DPP4: variants seen among roughly 807,000 people sequenced by gnomAD.
DPP4 encodes the protein dipeptidyl peptidase 4.
A neutral mutation model predicts 122.4 loss-of-function variants in DPP4; 93 were observed. The ratio of observed to expected loss-of-function variants is 0.76; its 90% CI spans 0.64 to 0.90. DPP4 has a LOEUF of 0.90. Among genes scored for constraint, DPP4 ranks in the 40% least tolerant of loss-of-function variants. The pLI is 0.00. For missense variants in DPP4, 914 were observed against 907.3 expected (o/e 1.01, Z -0.09); for synonymous variants, 321 against 302.9 (o/e 1.06, Z -0.62).
intron 2 of DPP4, among the ~76,000 whole-genome samples, chr2:162,050,022 T>C (rs73971546): frequency 0.038 from 5,785 of 152,272 alleles, 248 homozygotes; most frequent in African/African-American, 0.098. Flanking sequence ...AGTAGAAATA[T>C]AGCAAGCGGG....
chr2:162,020,311 T>TTC lies in DPP4; in HGVS notation c.1177-16_1177-15insGA. On this transcript the variant is annotated splice_polypyrimidine_tract_variant and intron_variant, in intron 13 of 25. Transcript: ENST00000360534. Reference sequence around the variant, plus strand: ...AATGTGCAGTCCTGATGGTTTTTTTTTTTTTTCAAAAAAAAAAAAAAGATT... The same window carrying TTC: ...AATGTGCAGTCCTGATGGTTTTTTTTTCTTTTTTCAAAAAAAAAAAAAAGATT... 1 of 1,537,018 alleles carries TTC rather than the reference T, an allele frequency of 6.5e-7. No homozygotes were observed. The highest frequency in any genetic ancestry group is 8.7e-7 in the Non-Finnish European group (1 of 1,149,642).
chr2:162,073,620 G>A, intron 1 of DPP4, 134 bp from the exon 2 acceptor site: 2 of 843,004 alleles, frequency 2.4e-6, no homozygotes, highest in Admixed American at 4.2e-5. Flanking sequence ...CGCGGGCTGG[G>A]GGTGGGGGTG....
chr2:162,005,800 T>C lies in DPP4; in HGVS notation c.1997A>G (p.Tyr666Cys), dbSNP rs1457064524. 3.1e-6 allele frequency: 5 copies of C among 1,612,578 alleles called. No homozygotes were observed. In the African/African-American group the frequency reaches 5.3e-5, roughly 17 times the overall value. Residue 666 changes from tyrosine to cysteine, a missense_variant, in exon 23 of 26, where the codon TAC (tyrosine) becomes TGC (cysteine). Physicochemically the swap from Tyr to Cys is radical, Grantham distance 194 (BLOSUM62 -2). Transcript: ENST00000360534. ...TGGGAGACCCATGTAACGTTCTGTGTACACTGAGTCTGTGAAAGAAAAAAA... is the reference window on the plus strand; with the variant it reads ...TGGGAGACCCATGTAACGTTCTGTGCACACTGAGTCTGTGAAAGAAAAAAA... ...VSRWEYYDSV[Y>C]TERYMGLPTP...
intron 10 of DPP4, among the ~76,000 whole-genome samples, chr2:162,027,000 G>A (rs1204034288): frequency 2.6e-5 from 4 of 152,114 alleles, no homozygotes; most frequent in Non-Finnish European, 5.9e-5. Context: ...ATAATTAAAT[G>A]AATGAGTTCA....
chr2:162,006,472 A>G (rs1385978701), intron 22 of DPP4, among the ~76,000 whole-genome samples: 2 of 152,128 alleles, frequency 1.3e-5, no homozygotes, highest in Non-Finnish European at 2.9e-5. Flanking sequence ...CTACTCCATC[A>G]TGATGCAAGT....
Position 162,046,910 on chromosome 2 carries a change from C to T in DPP4, c.285+5G>A, listed in dbSNP as rs200795201. 3.7e-5 allele frequency: 57 copies of T among 1,543,868 alleles called. No homozygotes were observed. The highest frequency in any genetic ancestry group is 4.8e-5 in the Non-Finnish European group (54 of 1,116,576). ...TGCATGAATTAATTACGTGATTAAA[C>T]ATACAAATGTACTGTTCTCCAAGAA... On this transcript the variant is annotated splice_donor_5th_base_variant and intron_variant, in intron 4 of 25. Coordinates refer to ENST00000360534, the MANE Select transcript of DPP4 (RefSeq NM_001935.4).
At chr2:162,008,693 G>A (rs1701346245) in intron 21 of DPP4, 32 bp from the exon 22 acceptor site, 1 of 1,574,760 alleles carries the variant, frequency 6.4e-7, no homozygotes, top group Non-Finnish European at 8.7e-7. Context: ...TTTTATGGAG[G>A]TAAAAGAATA....
chr2:162,059,321 A>G (rs1182197916), intron 2 of DPP4, among the ~76,000 whole-genome samples: 2 of 152,226 alleles, frequency 1.3e-5, no homozygotes, highest in African/African-American at 4.8e-5. Flanking sequence ...GACTGATACA[A>G]TAATGGCCCA....
intron 12 of DPP4, among the ~76,000 whole-genome samples, chr2:162,020,991 T>G: frequency 6.6e-6 from 1 of 152,234 alleles, no homozygotes; most frequent in East Asian, 1.9e-4. Context: ...ATGATAACTA[T>G]GACTTCTGGC....
At chr2:162,031,117 A>G (rs1271685626) in intron 10 of DPP4, among the ~76,000 whole-genome samples, 1 of 152,196 alleles carries the variant, frequency 6.6e-6, no homozygotes, top group African/African-American at 2.4e-5. Context: ...ACTTATTCAA[A>G]TATTTTGGTC....
intron 13 of DPP4, 129 bp downstream of exon 13, chr2:162,020,452 C>T (rs1683083747): frequency 1.0e-6 from 1 of 957,370 alleles, no homozygotes; most frequent in Admixed American, 2.8e-5. Flanking sequence ...CACAATACAC[C>T]ACTGAGGAGT....
intron 2 of DPP4, among the ~76,000 whole-genome samples, chr2:162,055,346 T>C (rs921592166): frequency 6.6e-6 from 1 of 152,200 alleles, no homozygotes; most frequent in Non-Finnish European, 1.5e-5. Flanking sequence ...CTGATTACTA[T>C]ACATAAGGGA....
At chr2:162,052,727 A>AAT (rs1684425531) in intron 2 of DPP4, among the ~76,000 whole-genome samples, 1 of 152,214 alleles carries the variant, frequency 6.6e-6, no homozygotes, top group South Asian at 2.1e-4. Context: ...ACAGAGTGTT[A>AAT]AACACAATTC....
At chr2:162,024,600 C>T (rs1473426130) in intron 11 of DPP4, among the ~76,000 whole-genome samples, 2 of 152,160 alleles carry the variant, frequency 1.3e-5, no homozygotes, top group African/African-American at 4.8e-5. Context: ...TATGACTAGT[C>T]AGTGTAGGAG....
In DPP4 at chr2:161,993,064, G is replaced by T. The variant is rs200037441; in HGVS notation, c.*219C>A. The T allele has an allele frequency of 2.4e-6, 1 of 424,972 alleles. No individual in the cohort carries two copies. The highest frequency in any genetic ancestry group is 4.3e-6 in the Non-Finnish European group (1 of 234,478). The allele number at this position is 424,972 out of a possible 1,614,324, so 26.3% of individuals were successfully genotyped here. A position where few individuals can be genotyped will look rare whatever the true frequency, so the allele number is the denominator to read the frequency against. ...GAAATGATTTTAAACAATAAAACCC[G>T]ACCGGATAATTCAAACTTCTGTAAG... is the stretch of plus-strand genomic sequence containing the variant. On this transcript the variant is annotated 3_prime_UTR_variant, in exon 26 of 26. Transcript: ENST00000360534.
chr2:162,040,676 T>A (rs770537742), intron 5 of DPP4, among the ~76,000 whole-genome samples: 2 of 151,934 alleles, frequency 1.3e-5, no homozygotes, highest in Non-Finnish European at 2.9e-5. Context: ...TTTGTCAGAA[T>A]CCACCATAAT....
intron 10 of DPP4, among the ~76,000 whole-genome samples, chr2:162,032,990 C>T (rs1365565406): frequency 1.3e-5 from 2 of 152,112 alleles, no homozygotes; most frequent in African/African-American, 4.8e-5. Flanking sequence ...GTCCCTTCCA[C>T]TCTCTTCTTC....
chr2:162,039,710 A>G (rs1282443603), intron 5 of DPP4, among the ~76,000 whole-genome samples: 2 of 152,198 alleles, frequency 1.3e-5, no homozygotes, highest in Non-Finnish European at 2.9e-5. Context: ...TCAAAAAGCT[A>G]GAAATGAAAG....
intron 25 of DPP4, among the ~76,000 whole-genome samples, 197 bp downstream of exon 25, chr2:161,994,764 C>T (rs532322838): frequency 6.6e-6 from 1 of 152,288 alleles, no homozygotes; most frequent in South Asian, 2.1e-4. Flanking sequence ...TGCTTCTTAA[C>T]CCCAAACTCG....
Sources: gnomAD v4.1 joint callset for allele counts (sites outside exome capture counted in the v4.1 genomes callset) on GRCh38, gnomAD v4.1.1 for gene constraint, MANE v1.5 for transcripts, NCBI Gene and HGNC (gene_info 2026-07-23, HGNC 2026-07-21) for gene names.